Variants in LINS1 observed in about 807,000 individuals in gnomAD.
LINS1 encodes the protein lines homolog 1, also known as protein Lines homolog 1.
LINS1 carries 27 observed loss-of-function variants against 41.6 expected under a neutral mutation model. The observed-to-expected ratio is 0.65, with a 90% confidence interval of 0.48 to 0.89. The LOEUF is 0.89. Ranked by LOEUF, LINS1 falls within the 40% of genes least tolerant of loss-of-function variation. The pLI is 0.00. For missense variants in LINS1, 955 were observed against 884.1 expected (o/e 1.08, Z -1.02); for synonymous variants, 336 against 312.9 (o/e 1.07, Z -0.78).
rs140545990 is a variant in LINS1 at position 100,570,007 on chromosome 15, A to G, written c.1505T>C (p.Ile502Thr). ...AAGAAGAACTGTGGAATCAAATCCT[A>G]TATTTTTCAAGAAGAACAAGAAAAT... is the stretch of plus-strand genomic sequence containing the variant. ...HCIFLFFLKN[I>T]GFDSTVLLDF... The change falls in exon 7 of 7, where the codon ATA becomes ACA. Residue 502 changes from isoleucine (I) to threonine (T), a missense_variant. By Grantham distance (89) the Ile-to-Thr change is moderately conservative. Coordinates refer to ENST00000314742, the MANE Select transcript of LINS1 (RefSeq NM_001040616.3). The G allele has an allele frequency of 3.6e-4, 559 of 1,555,930 alleles. No homozygotes were observed. The highest frequency in any genetic ancestry group is 6.9e-4 in the Middle Eastern group (4 of 5,804).
intron 1 of LINS1, among the ~76,000 whole-genome samples, chr15:100,594,092 C>T (rs8033689): frequency 6.6e-6 from 1 of 152,020 alleles, no homozygotes. Flanking sequence ...TGCATATAAA[C>T]TGTGCACATC....
intron 1 of LINS1, among the ~76,000 whole-genome samples, chr15:100,593,817 T>C (rs901023827): frequency 7.2e-5 from 11 of 152,178 alleles, no homozygotes; most frequent in East Asian, 3.8e-4. Context: ...TGTAAAACAA[T>C]AGTGCTCAGA....
intron 1 of LINS1, among the ~76,000 whole-genome samples, chr15:100,593,220 GAAAC>G (rs1013301547): frequency 1.3e-5 from 2 of 152,106 alleles, no homozygotes; most frequent in Non-Finnish European, 2.9e-5. Context: ...CTCTAGCCTG[GAAAC>G]AAACAATTGG....
At chr15:100,591,411 T>G (rs1311200297) in intron 1 of LINS1, among the ~76,000 whole-genome samples, 1 of 151,962 alleles carries the variant, frequency 6.6e-6, no homozygotes, top group African/African-American at 2.4e-5. Context: ...AGGCCCTAAG[T>G]TTTGGTCACA....
intron 1 of LINS1, among the ~76,000 whole-genome samples, chr15:100,598,701 C>T (rs1456564020): frequency 6.6e-6 from 1 of 152,216 alleles, no homozygotes; most frequent in Non-Finnish European, 1.5e-5. Flanking sequence ...TACCCAGCCC[C>T]ATCGCCTTTT....
chr15:100,592,192 C>A (rs1000004534), intron 1 of LINS1, among the ~76,000 whole-genome samples: 2 of 152,174 alleles, frequency 1.3e-5, no homozygotes, highest in Non-Finnish European at 2.9e-5. Flanking sequence ...CCACTCCCAC[C>A]CTGTGGGGTG....
chr15:100,596,481 G>C (rs1259934164), intron 1 of LINS1, among the ~76,000 whole-genome samples: 1 of 152,160 alleles, frequency 6.6e-6, no homozygotes, highest in Non-Finnish European at 1.5e-5. Context: ...TGGCAATCAA[G>C]TTATAGATAA....
At chr15:100,600,567 A>AAAC (rs2039442787) in intron 1 of LINS1, among the ~76,000 whole-genome samples, 2 of 147,498 alleles carry the variant, frequency 1.4e-5, no homozygotes, top group Non-Finnish European at 3.0e-5. Context: ...AAAAAAAAAA[A>AAAC]AAAACAGGGA....
rs2037633569 is a variant in LINS1, at chr15:100,568,466, G to T, written c.*772C>A. ...ACAGACACAGGAAAATGCCATGTGAGGCAGGAACTGGAGTGACGCCACTAC... is the reference window on the plus strand; with the variant it reads ...ACAGACACAGGAAAATGCCATGTGATGCAGGAACTGGAGTGACGCCACTAC... On this transcript the variant is annotated 3_prime_UTR_variant, in exon 7 of 7. Coordinates refer to ENST00000314742, the MANE Select transcript of LINS1 (RefSeq NM_001040616.3). The T allele has an allele frequency of 6.6e-6, 1 of 152,298 alleles. No individual in the cohort carries two copies. Among genetic ancestry groups the T allele is most frequent in the Non-Finnish European group, 1.5e-5 (1 of 68,106 alleles). The allele number at this position is 152,298 out of a possible 1,614,324, so 9.4% of individuals were successfully genotyped here. A position where few individuals can be genotyped will look rare whatever the true frequency, so the allele number is the denominator to read the frequency against.
chr15:100,586,491 C>T (rs1414018862), intron 1 of LINS1, among the ~76,000 whole-genome samples: 1 of 152,148 alleles, frequency 6.6e-6, no homozygotes, highest in East Asian at 1.9e-4. Flanking sequence ...AATTGTGGAA[C>T]TGTTCTTATT....
chr15:100,569,135 A>AAAG lies in LINS1; in HGVS notation c.*102_*103insCTT. 2.5e-6 allele frequency: 2 copies of AAAG among 795,864 alleles called. No homozygotes were observed. The highest frequency in any genetic ancestry group is 2.8e-5 in the Admixed American group (1 of 35,768). The allele number at this position is 795,864 out of a possible 1,614,324, so 49.3% of individuals were successfully genotyped here. On this transcript the variant is annotated 3_prime_UTR_variant, in exon 7 of 7. Coordinates refer to ENST00000314742, the MANE Select transcript of LINS1 (RefSeq NM_001040616.3). ...GAGATTCTGTCTCAAAAAAAAAAAA[A>AAAG]AAAAAGAAAACCCTTTTATGGTGAT...
At chr15:100,571,068 A>G (rs934793171) in intron 6 of LINS1, among the ~76,000 whole-genome samples, 2 of 152,196 alleles carry the variant, frequency 1.3e-5, no homozygotes, top group African/African-American at 4.8e-5. Flanking sequence ...ACCTAATTCA[A>G]ATCACATGCA....
chr15:100,569,367 G>A lies in LINS1; in HGVS notation c.2145C>T (p.Cys715=). Residue 715 remains cysteine (C), a synonymous_variant, in exon 7 of 7, where the codon TGC becomes TGT. Coordinates refer to ENST00000314742, the MANE Select transcript of LINS1 (RefSeq NM_001040616.3). The part of the protein sequence containing the change: ...EVGIFYRIVK[C]FQELQDAICR... Reference sequence around the variant, plus strand: ...AGATGGCATCTTGTAGTTCCTGGAAGCATTTTACTATTCTGTAAAATATTC... The same window carrying A: ...AGATGGCATCTTGTAGTTCCTGGAAACATTTTACTATTCTGTAAAATATTC... 6.2e-7 allele frequency: 1 copy of A among 1,614,092 alleles called. No homozygotes were observed.
chr15:100,599,507 G>T (rs776959901), intron 1 of LINS1, among the ~76,000 whole-genome samples: 1 of 152,190 alleles, frequency 6.6e-6, no homozygotes, highest in Non-Finnish European at 1.5e-5. Flanking sequence ...CTAGGAATTA[G>T]GAGACAACTC....
chr15:100,598,325 A>G (rs1239465984), intron 1 of LINS1, among the ~76,000 whole-genome samples: 1 of 152,250 alleles, frequency 6.6e-6, no homozygotes, highest in Non-Finnish European at 1.5e-5. Flanking sequence ...AATCAGTCCC[A>G]AAGTATATTT....
intron 1 of LINS1, among the ~76,000 whole-genome samples, chr15:100,596,088 G>A (rs1345351664): frequency 6.6e-6 from 1 of 152,202 alleles, no homozygotes; most frequent in Non-Finnish European, 1.5e-5. Context: ...AGGAGATTTG[G>A]AGTGGGAGGG....
intron 6 of LINS1, 119 bp from the exon 7 acceptor site, chr15:100,570,236 A>G (rs974349763): frequency 7.6e-6 from 6 of 793,658 alleles, no homozygotes; most frequent in Non-Finnish European, 9.4e-6. Context: ...TCTATGCATC[A>G]CTTCTTAAAA....
rs142206652 is a variant in LINS1, at chr15:100,569,652, G to A, written c.1860C>T (p.Pro620=). Residue 620 remains proline (P), a synonymous_variant, in exon 7 of 7, where the codon CCC becomes CCT. Transcript: ENST00000314742. ...AATCTACCAGACTTTGAGAGGCCCG[G>A]GGGGAAGACAGACTAGAAGCACACA... ...HTMCASSLSS[P]RASQSLVDYD... 90 of 1,613,292 alleles carry A rather than the reference G, an allele frequency of 5.6e-5. 1 individual carries two copies. The Middle Eastern group carries it at 8.2e-4, about 15-fold the overall frequency.
Position 100,569,375 on chromosome 15 carries a change from C to T in LINS1, c.2137G>A (p.Val713Ile). The part of the protein sequence containing the change: ...VSEVGIFYRI[V>I]KCFQELQDAI... ...TCTTGTAGTTCCTGGAAGCATTTTA[C>T]TATTCTGTAAAATATTCCCACTTCA... The change falls in exon 7 of 7, where the codon GTA (valine) becomes ATA (isoleucine). Residue 713 changes from valine to isoleucine, a missense_variant. Transcript: ENST00000314742. The T allele has an allele frequency of 2.5e-6, 4 of 1,614,126 alleles. No individual in the cohort carries two copies. The highest frequency in any genetic ancestry group is 3.4e-6 in the Non-Finnish European group (4 of 1,180,022).
Sources: allele counts gnomAD v4.1 joint callset (sites outside exome capture counted in the v4.1 genomes callset), GRCh38; gene constraint gnomAD v4.1.1; transcripts MANE v1.5; gene names NCBI Gene and HGNC (gene_info 2026-07-23, HGNC 2026-07-21).